Variants in ATE1 observed in about 807,000 individuals in gnomAD.
ATE1 encodes arginyl-tRNA--protein transferase 1.
In ATE1, 36 loss-of-function variants were observed where a neutral mutation model predicts 70.5. That is an observed-to-expected ratio of 0.51 (90% CI 0.39 to 0.67). The LOEUF is 0.67. ATE1 is among the 30% of genes least tolerant of loss of function. ATE1 has a pLI of 0.00. For missense variants in ATE1, 593 were observed against 629.5 expected (o/e 0.94, Z 0.62); for synonymous variants, 232 against 219.3 (o/e 1.06, Z -0.51).
chr10:121,875,718 G>A (rs779760748), intron 7 of ATE1, among the ~76,000 whole-genome samples: 6 of 152,090 alleles, frequency 3.9e-5, no homozygotes, highest in East Asian at 1.9e-4. Flanking sequence ...CCATGGCCAC[G>A]TAAGTCTGGG....
chr10:121,888,977 A>C (rs1474683565), intron 7 of ATE1, among the ~76,000 whole-genome samples: 3 of 152,160 alleles, frequency 2.0e-5, no homozygotes, highest in Admixed American at 1.3e-4. Context: ...GAAAAGAACA[A>C]GCAGGGGCTT....
intron 10 of ATE1, among the ~76,000 whole-genome samples, chr10:121,815,704 T>C (rs1947513686): frequency 6.6e-6 from 1 of 152,160 alleles, no homozygotes; most frequent in Non-Finnish European, 1.5e-5. Context: ...AAGTTAATCT[T>C]TCTGTAGGTT....
At chr10:121,787,433 C>A (rs761728674) in intron 11 of ATE1, among the ~76,000 whole-genome samples, 2 of 152,170 alleles carry the variant, frequency 1.3e-5, no homozygotes, top group African/African-American at 2.4e-5. Flanking sequence ...CATGTAACTG[C>A]ATTTTAATTT....
intron 6 of ATE1, among the ~76,000 whole-genome samples, chr10:121,901,272 A>G (rs937352757): frequency 1.3e-5 from 2 of 152,168 alleles, no homozygotes; most frequent in Non-Finnish European, 2.9e-5. Flanking sequence ...CGTCTCAAAA[A>G]AAAAAGCTAA....
chr10:121,783,533 CT>C (rs11298920), intron 11 of ATE1, among the ~76,000 whole-genome samples: 145,666 of 150,866 alleles, frequency 0.97, 70,483 homozygotes, highest in East Asian at 1. Flanking sequence ...ACTGGCAGCA[CT>C]TTTTTTTTTT....
At chr10:121,833,818 G>C (rs1750215623) in intron 10 of ATE1, among the ~76,000 whole-genome samples, 1 of 152,040 alleles carries the variant, frequency 6.6e-6, no homozygotes, top group African/African-American at 2.4e-5. Flanking sequence ...TTTAAAATGG[G>C]GAATAATTAT....
intron 2 of ATE1, among the ~76,000 whole-genome samples, chr10:121,923,606 CCA>C (rs1951967803): frequency 6.6e-6 from 1 of 152,150 alleles, no homozygotes; most frequent in African/African-American, 2.4e-5. Context: ...GCTCCCAATC[CCA>C]CGTCTTTGGC....
At chr10:121,746,481 T>C (rs1245970344) in intron 11 of ATE1, among the ~76,000 whole-genome samples, 1 of 152,236 alleles carries the variant, frequency 6.6e-6, no homozygotes, top group East Asian at 1.9e-4. Flanking sequence ...AATTTAAGCA[T>C]TTTATTTTTC....
chr10:121,874,806 C>T (rs1449185130), intron 7 of ATE1, among the ~76,000 whole-genome samples: 2 of 151,848 alleles, frequency 1.3e-5, no homozygotes, highest in Non-Finnish European at 2.9e-5. Flanking sequence ...GAGATCAAGA[C>T]CATCCTGGCT....
intron 10 of ATE1, among the ~76,000 whole-genome samples, chr10:121,835,096 T>C (rs1231595375): frequency 6.6e-6 from 1 of 152,182 alleles, no homozygotes; most frequent in Admixed American, 6.6e-5. Flanking sequence ...AACGGAAATA[T>C]GCTCATACTT....
In ATE1 at chr10:121,883,880, G is replaced by A. The variant is rs192784655; in HGVS notation, c.943-13842C>T. Among the ~76,000 whole-genome samples the A allele has an allele frequency of 2.2e-4, 33 of 151,852 alleles. No individual in the cohort carries two copies. The East Asian group carries it at 6.5e-3, about 30-fold the overall frequency. On this transcript the variant is annotated intron_variant, in intron 7 of 11. Transcript: ENST00000224652. ...AGCACTTTGGGAGGCCAAGGCGGGTGGATCACTTGAGGTCAGGAGTTGGAG... is the reference window on the plus strand; with the variant it reads ...AGCACTTTGGGAGGCCAAGGCGGGTAGATCACTTGAGGTCAGGAGTTGGAG...
rs77651321 is a variant in ATE1, at chr10:121,891,010, G to A, written c.942+8856C>T. 5.0e-3 allele frequency among the ~76,000 whole-genome samples: 763 copies of A among 152,268 alleles called. 5 individuals are homozygous for A. Among genetic ancestry groups the A allele is most frequent in the African/African-American group, 0.012 (517 of 41,538 alleles). On this transcript the variant is annotated intron_variant, in intron 7 of 11. Coordinates refer to ENST00000224652, the MANE Select transcript of ATE1 (RefSeq NM_001001976.3). Reference sequence around the variant, plus strand: ...TGTTGAAACGGCTCCACTGTCTGAGGTATATACCCTGGTTCTTTGTCACGG... The same window carrying A: ...TGTTGAAACGGCTCCACTGTCTGAGATATATACCCTGGTTCTTTGTCACGG...
chr10:121,795,993 C>A (rs1360325795), intron 10 of ATE1, among the ~76,000 whole-genome samples: 3 of 152,294 alleles, frequency 2.0e-5, no homozygotes, highest in African/African-American at 7.2e-5. Context: ...CAGATTAATT[C>A]TTTCCTAGGG....
chr10:121,807,575 T>C (rs1947147322), intron 10 of ATE1, among the ~76,000 whole-genome samples: 1 of 152,212 alleles, frequency 6.6e-6, no homozygotes, highest in Non-Finnish European at 1.5e-5. Context: ...TATAATGCAC[T>C]AGATGATGCA....
At chr10:121,787,591 C>G (rs1408906762) in intron 11 of ATE1, among the ~76,000 whole-genome samples, 1 of 152,148 alleles carries the variant, frequency 6.6e-6, no homozygotes, top group East Asian at 1.9e-4. Flanking sequence ...CACTTATTCT[C>G]AAAGAAATTT....
At position 121,928,007 on chromosome 10, in the gene ATE1, C is replaced by T. The variant is rs981217161; in HGVS notation, c.-58G>A. 5.7e-5 allele frequency: 80 copies of T among 1,392,034 alleles called. No homozygotes were observed. The highest frequency in any genetic ancestry group is 7.5e-5 in the Non-Finnish European group (80 of 1,069,880). 86.2% of individuals were successfully genotyped at this position (1,392,034 alleles called of 1,614,324 possible). Reference sequence around the variant, plus strand: ...CCCCGCGTCGCTAGCGCGGCCGCCGCCGCCACCCCACAATGCAGCGCGCCG... The same window carrying T: ...CCCCGCGTCGCTAGCGCGGCCGCCGTCGCCACCCCACAATGCAGCGCGCCG... On this transcript the variant is annotated 5_prime_UTR_variant, in exon 1 of 12. Transcript: ENST00000224652.
At chr10:121,791,661 C>T (rs1473004997) in intron 10 of ATE1, among the ~76,000 whole-genome samples, 4 of 152,064 alleles carry the variant, frequency 2.6e-5, no homozygotes, top group African/African-American at 9.7e-5. Flanking sequence ...TTTACTACAA[C>T]CCATAGTACA....
intron 8 of ATE1, among the ~76,000 whole-genome samples, chr10:121,858,583 TA>T (rs1949334943): frequency 6.7e-6 from 1 of 148,672 alleles, no homozygotes; most frequent in South Asian, 2.1e-4. Context: ...GAACAAACAC[TA>T]AAACAATGAC....
At position 121,874,907 on chromosome 10, in the gene ATE1, A is replaced by G. The variant is rs190482182; in HGVS notation, c.943-4869T>C. 6.3e-3 allele frequency among the ~76,000 whole-genome samples: 958 copies of G among 151,488 alleles called. 16 individuals carry two copies. Among genetic ancestry groups the G allele is most frequent in the African/African-American group, 0.022 (904 of 41,220 alleles). ...TGTAATCCTAGCACTTTGGGAGGCC[A>G]AGGCGGGTGGATCACGAGGTCAGGA... On this transcript the variant is annotated intron_variant, in intron 7 of 11. Coordinates refer to ENST00000224652, the MANE Select transcript of ATE1 (RefSeq NM_001001976.3).
Sources: allele counts gnomAD v4.1 joint callset (sites outside exome capture counted in the v4.1 genomes callset), GRCh38; gene constraint gnomAD v4.1.1; transcripts MANE v1.5; gene names NCBI Gene and HGNC (gene_info 2026-07-23, HGNC 2026-07-21).